Variants in RAVER2 observed in about 807,000 individuals in gnomAD.
RAVER2 encodes ribonucleoprotein, PTB binding 2, also known as ribonucleoprotein PTB-binding 2.
A neutral mutation model predicts 78.1 loss-of-function variants in RAVER2; 46 were observed. The ratio of observed to expected loss-of-function variants is 0.59; its 90% confidence interval spans 0.46 to 0.75. RAVER2 has a LOEUF of 0.75. Among genes scored for constraint, RAVER2 ranks in the 30% least tolerant of loss-of-function variants. The pLI, the probability that RAVER2 is intolerant of heterozygous loss-of-function variation, is 0.00. For missense variants in RAVER2, 793 were observed against 837.5 expected (o/e 0.95, Z 0.66); for synonymous variants, 311 against 313.3 (o/e 0.99, Z 0.08).
intron 5 of RAVER2, among the ~76,000 whole-genome samples, chr1:64,798,177 G>T (rs1164418199): frequency 1.5e-5 from 2 of 130,366 alleles, no homozygotes; most frequent in Admixed American, 7.9e-5. Flanking sequence ...TGCGGTGTTT[G>T]GTTTTTTGTT....
At chr1:64,810,439 G>C (rs1653573069) in intron 9 of RAVER2, among the ~76,000 whole-genome samples, 2 of 152,198 alleles carry the variant, frequency 1.3e-5, no homozygotes, top group African/African-American at 4.8e-5. Flanking sequence ...TAAAAGGCTG[G>C]AGCAAGACCT....
chr1:64,796,158 CT>C (rs1377230692), intron 5 of RAVER2, among the ~76,000 whole-genome samples: 1 of 151,700 alleles, frequency 6.6e-6, no homozygotes, highest in Admixed American at 6.6e-5. Flanking sequence ...ATATTATAAT[CT>C]TTTTTATATA....
intron 11 of RAVER2, among the ~76,000 whole-genome samples, chr1:64,820,181 A>G (rs1448277858): frequency 6.6e-6 from 1 of 152,218 alleles, no homozygotes; most frequent in East Asian, 1.9e-4. Flanking sequence ...CCATACAGCA[A>G]CCATTAAAAA....
At chr1:64,806,565 A>G (rs1653424082) in intron 8 of RAVER2, among the ~76,000 whole-genome samples, 1 of 152,254 alleles carries the variant, frequency 6.6e-6, no homozygotes, top group Admixed American at 6.5e-5. Context: ...GTGTTTAACA[A>G]CCAGCTCTCT....
At chr1:64,770,662 A>T (rs1316902106) in intron 2 of RAVER2, among the ~76,000 whole-genome samples, 1 of 152,098 alleles carries the variant, frequency 6.6e-6, no homozygotes, top group Non-Finnish European at 1.5e-5. Flanking sequence ...AAAAATGGAC[A>T]TTAAACCAGT....
At chr1:64,753,277 A>C (rs1651749924) in intron 1 of RAVER2, among the ~76,000 whole-genome samples, 1 of 151,900 alleles carries the variant, frequency 6.6e-6, no homozygotes, top group African/African-American at 2.4e-5. Flanking sequence ...CTGGTCCCAA[A>C]CTCCTAGGCT....
chr1:64,807,218 T>A, exon 9 of RAVER2: 1 of 1,613,720 alleles, frequency 6.2e-7, no homozygotes, highest in Non-Finnish European at 8.5e-7. Flanking sequence ...TCTAGCCTGA[T>A]TCCAACTCAA....
At position 64,760,838 on chromosome 1, in the gene RAVER2, G is replaced by A. The variant is rs1251863301; in HGVS notation, c.250-7818G>A. 2.6e-5 allele frequency among the ~76,000 whole-genome samples: 4 copies of A among 152,264 alleles called. No homozygotes were observed. In the East Asian group the frequency reaches 7.7e-4, roughly 29 times the overall value. On this transcript the variant is annotated intron_variant, in intron 1 of 11. Coordinates refer to ENST00000294428, the Ensembl canonical transcript of RAVER2. Reference sequence around the variant, plus strand: ...GAGGCCAGTGATGCAGTGAGCTTTAGGAATGTGATGGGAATGAATATTTTA... The same window carrying A: ...GAGGCCAGTGATGCAGTGAGCTTTAAGAATGTGATGGGAATGAATATTTTA...
In RAVER2 at chr1:64,745,174, TGGC is replaced by T. The variant is rs960918085; in HGVS notation, c.14_16del (p.Ala5?). ...CGCAGCCGCTGGGCGCCCGGGAAGATGGCGGCGGCGGCGGGAGACGGCGGCGGC... is the reference window on the plus strand; with the variant it reads ...CGCAGCCGCTGGGCGCCCGGGAAGATGGCGGCGGCGGGAGACGGCGGCGGC... On this transcript the variant is annotated start_lost and inframe_deletion, in exon 1 of 12. Coordinates refer to ENST00000294428, the Ensembl canonical transcript of RAVER2. This position sits in a 1 kb window ranked among gnomAD's most constrained non-coding sequence, Gnocchi z 4.3. 112 of 1,015,392 alleles carry T rather than the reference TGGC, an allele frequency of 1.1e-4. No homozygotes were observed. The highest frequency in any genetic ancestry group is 2.4e-4 in the Admixed American group (4 of 16,978). The allele number at this position is 1,015,392 out of a possible 1,614,324, so 62.9% of individuals were successfully genotyped here. A position where few individuals can be genotyped will look rare whatever the true frequency, so the allele number is the denominator to read the frequency against.
intron 8 of RAVER2, 145 bp from the exon 9 acceptor site, chr1:64,807,061 A>G (rs1173633427): frequency 2.1e-5 from 18 of 872,192 alleles, no homozygotes; most frequent in Middle Eastern, 3.6e-4. Context: ...ACTAATTAAC[A>G]ACCTCTAACC....
chr1:64,816,658 T>TA (rs2100892286), intron 11 of RAVER2: 1 of 152,338 alleles, frequency 6.6e-6, no homozygotes, highest in South Asian at 2.1e-4. Context: ...AAGTGATTAC[T>TA]ATTTCTAAAA....
intron 4 of RAVER2, among the ~76,000 whole-genome samples, chr1:64,781,774 A>G (rs1037577743): frequency 6.6e-6 from 1 of 152,246 alleles, no homozygotes; most frequent in Admixed American, 6.5e-5. Flanking sequence ...TTACCAAAAA[A>G]AGAAATTGTG....
chr1:64,753,746 A>G (rs1651770403), intron 1 of RAVER2, among the ~76,000 whole-genome samples: 1 of 151,256 alleles, frequency 6.6e-6, no homozygotes, highest in African/African-American at 2.4e-5. Context: ...CTGGTCTCAA[A>G]CTCCTGACCT....
intron 6 of RAVER2, 128 bp downstream of exon 6, chr1:64,803,189 GT>G: frequency 3.2e-6 from 2 of 617,692 alleles, no homozygotes; most frequent in Non-Finnish European, 5.5e-6. Context: ...TTAATAATAA[GT>G]ATAGGTATGT....
At chr1:64,796,800 AT>A (rs1653108698) in intron 5 of RAVER2, among the ~76,000 whole-genome samples, 2 of 151,900 alleles carry the variant, frequency 1.3e-5, no homozygotes, top group South Asian at 4.2e-4. Flanking sequence ...CCTTGAACAT[AT>A]TTTGTTCTTC....
At chr1:64,822,354 AT>A (rs1197643877) in intron 11 of RAVER2, among the ~76,000 whole-genome samples, 1 of 152,240 alleles carries the variant, frequency 6.6e-6, no homozygotes, top group African/African-American at 2.4e-5. Context: ...GAGAGAAATT[AT>A]TTTTAAAAAT....
intron 8 of RAVER2, 96 bp downstream of exon 8, chr1:64,805,201 A>C (rs904920800): frequency 8.7e-7 from 1 of 1,149,998 alleles, no homozygotes; most frequent in African/African-American, 1.5e-5. Flanking sequence ...CAGGGAGGTC[A>C]AATTTGAGTT....
At chr1:64,826,990 A>C (rs1654018501) in intron 11 of RAVER2, among the ~76,000 whole-genome samples, 1 of 152,194 alleles carries the variant, frequency 6.6e-6, no homozygotes, top group African/African-American at 2.4e-5. Context: ...TTTTAGACAT[A>C]AGATCCCTAA....
intron 1 of RAVER2, among the ~76,000 whole-genome samples, chr1:64,756,646 A>G (rs1035856508): frequency 6.6e-6 from 1 of 152,210 alleles, no homozygotes; most frequent in Non-Finnish European, 1.5e-5. Flanking sequence ...TACATCAGTC[A>G]AAACTTAGAA....
Sources: gnomAD v4.1 joint callset for allele counts (sites outside exome capture counted in the v4.1 genomes callset) on GRCh38, gnomAD v4.1.1 for gene constraint, Gnocchi (gnomAD v3.1) non-coding constraint, MANE v1.5 for transcripts, NCBI Gene and HGNC (gene_info 2026-07-23, HGNC 2026-07-21) for gene names.